Variants in B3GALT1 observed in about 807,000 individuals in gnomAD.
B3GALT1 encodes the protein UDP-Gal:betaGlcNAc beta 1,3-galactosyltransferase, polypeptide 1.
Under a neutral mutation model 23.2 loss-of-function variants are expected in B3GALT1, and 10 were observed. The ratio of observed to expected loss-of-function variants is 0.43; its 90% CI spans 0.27 to 0.73. The LOEUF is 0.73. Among genes scored for constraint, B3GALT1 ranks in the 30% least tolerant of loss-of-function variants. B3GALT1 has a pLI of 0.21. For missense variants in B3GALT1, 299 were observed against 405.4 expected (o/e 0.74, Z 2.25); for synonymous variants, 156 against 141.5 (o/e 1.10, Z -0.73).
At chr2:167,563,858 G>A (rs1210646455) in intron 2 of B3GALT1, among the ~76,000 whole-genome samples, 3 of 145,338 alleles carry the variant, frequency 2.1e-5, no homozygotes, top group Non-Finnish European at 3.1e-5. Context: ...GGGCGGCCGG[G>A]CAGAGGCGCC....
At chr2:167,787,033 G>A (rs988426178) in intron 3 of B3GALT1, among the ~76,000 whole-genome samples, 1 of 152,194 alleles carries the variant, frequency 6.6e-6, no homozygotes, top group African/African-American at 2.4e-5. Context: ...CTAGAAGTAG[G>A]AAATCCCTGG....
At chr2:167,838,266 T>G (rs1689537045) in intron 4 of B3GALT1, among the ~76,000 whole-genome samples, 1 of 152,102 alleles carries the variant, frequency 6.6e-6, no homozygotes, top group African/African-American at 2.4e-5. Flanking sequence ...TCAACAAAAT[T>G]GATAGACCAC....
At chr2:167,662,275 T>G (rs1467713495) in intron 3 of B3GALT1, among the ~76,000 whole-genome samples, 1 of 152,136 alleles carries the variant, frequency 6.6e-6, no homozygotes, top group African/African-American at 2.4e-5. Flanking sequence ...TAGCCTGTTC[T>G]TTAGTAATTC....
chr2:167,641,931 A>G (rs948589685), intron 2 of B3GALT1, among the ~76,000 whole-genome samples: 19 of 152,158 alleles, frequency 1.2e-4, no homozygotes, highest in African/African-American at 4.6e-4. Flanking sequence ...TTCTCAACAT[A>G]TCTATCAGGC....
rs148115419 is a variant in B3GALT1, at chr2:167,629,618, T to C, written c.-409-17291T>C. 1.4e-4 allele frequency among the ~76,000 whole-genome samples: 22 copies of C among 151,874 alleles called. No individual in the cohort carries two copies. The East Asian group carries it at 3.9e-3, about 27-fold the overall frequency. On this transcript the variant is annotated intron_variant, in intron 2 of 4. Transcript: ENST00000392690. ...CCATTGTTTTATTAACATTTTTCTT[T>C]AAATTAACTCACTCCTTTTTTAAAC... is the stretch of plus-strand genomic sequence containing the variant.
At chr2:167,439,970 C>T (rs990475962) in intron 1 of B3GALT1, among the ~76,000 whole-genome samples, 7 of 151,994 alleles carry the variant, frequency 4.6e-5, no homozygotes, top group Admixed American at 1.3e-4. Context: ...TTTTCCTGAA[C>T]TCTTGGTTTG....
At chr2:167,359,420 A>C (rs998665094) in intron 1 of B3GALT1, among the ~76,000 whole-genome samples, 1 of 152,204 alleles carries the variant, frequency 6.6e-6, no homozygotes, top group Admixed American at 6.5e-5. Flanking sequence ...TAATTCTAAA[A>C]TTTTAGGGTG....
At chr2:167,581,414 T>TC (rs1253370689) in intron 2 of B3GALT1, among the ~76,000 whole-genome samples, 1 of 152,244 alleles carries the variant, frequency 6.6e-6, no homozygotes, top group Non-Finnish European at 1.5e-5. Flanking sequence ...CCATTATTAG[T>TC]CAACAACCTA....
intron 2 of B3GALT1, among the ~76,000 whole-genome samples, chr2:167,519,849 A>G (rs1227487996): frequency 6.6e-6 from 1 of 152,110 alleles, no homozygotes; most frequent in Non-Finnish European, 1.5e-5. Context: ...AGGCAGGTAG[A>G]TCACTTAAGG....
chr2:167,661,656 G>A (rs1046853827), intron 3 of B3GALT1, among the ~76,000 whole-genome samples: 1 of 152,002 alleles, frequency 6.6e-6, no homozygotes, highest in East Asian at 1.9e-4. Context: ...GTCCCCTGGG[G>A]CACAAAATTG....
intron 1 of B3GALT1, among the ~76,000 whole-genome samples, chr2:167,423,107 A>G (rs940314): frequency 0.8 from 121,798 of 152,068 alleles, 50,995 homozygotes; most frequent in East Asian, 0.92. Context: ...AGTCATACCC[A>G]TACCAGTCAA....
chr2:167,359,506 A>G (rs549526635), intron 1 of B3GALT1, among the ~76,000 whole-genome samples: 11 of 152,324 alleles, frequency 7.2e-5, no homozygotes, highest in African/African-American at 2.2e-4. Context: ...TTTAATGTAC[A>G]TTCTAGGTGA....
chr2:167,719,648 AG>A (rs1161911291), intron 3 of B3GALT1, among the ~76,000 whole-genome samples: 1 of 152,158 alleles, frequency 6.6e-6, no homozygotes, highest in Non-Finnish European at 1.5e-5. Flanking sequence ...AAGAAAGTGC[AG>A]GGGACTGGGC....
At chr2:167,617,522 G>T (rs1366364680) in intron 2 of B3GALT1, among the ~76,000 whole-genome samples, 1 of 151,996 alleles carries the variant, frequency 6.6e-6, no homozygotes, top group Non-Finnish European at 1.5e-5. Flanking sequence ...AAGTGAAAAG[G>T]GGTGTTAGGC....
chr2:167,301,956 G>T (rs529095282), intron 1 of B3GALT1, among the ~76,000 whole-genome samples: 1 of 152,160 alleles, frequency 6.6e-6, no homozygotes, highest in African/African-American at 2.4e-5. Flanking sequence ...GGTGTATCAA[G>T]ATACTTAAAA....
In B3GALT1 at chr2:167,743,565, T is replaced by C. The variant is rs1444117483; in HGVS notation, c.-351-75107T>C. 2.0e-5 allele frequency among the ~76,000 whole-genome samples: 3 copies of C among 152,148 alleles called. No homozygotes were observed. In the East Asian group the frequency reaches 5.8e-4, roughly 29 times the overall value. On this transcript the variant is annotated intron_variant, in intron 3 of 4. Coordinates refer to ENST00000392690, the MANE Select transcript of B3GALT1 (RefSeq NM_020981.4). ...GCCCATTTTTCCATTGAAATGTTTT[T>C]GTAGTTATAGAACTATTTCACTTTT...
At chr2:167,668,138 C>G (rs559926005) in intron 3 of B3GALT1, among the ~76,000 whole-genome samples, 71 of 152,154 alleles carry the variant, frequency 4.7e-4, no homozygotes, top group Non-Finnish European at 9.1e-4. Flanking sequence ...TGTGGATGTC[C>G]TTTCTGTTTG....
intron 3 of B3GALT1, among the ~76,000 whole-genome samples, chr2:167,793,835 T>C (rs59413900): frequency 0.11 from 16,834 of 152,258 alleles, 1,232 homozygotes; most frequent in African/African-American, 0.19. Context: ...TTACAGGCCA[T>C]AGACTGTGTC....
At chr2:167,579,420 G>GTTTTTTTT (rs745735602) in intron 2 of B3GALT1, among the ~76,000 whole-genome samples, 1 of 93,064 alleles carries the variant, frequency 1.1e-5, no homozygotes, top group African/African-American at 4.7e-5. Flanking sequence ...TTTTGGTTTT[G>GTTTTTTTT]TTTTTTTTTG....
Sources: allele counts gnomAD v4.1 joint callset (sites outside exome capture counted in the v4.1 genomes callset), GRCh38; gene constraint gnomAD v4.1.1; transcripts MANE v1.5; gene names NCBI Gene and HGNC (gene_info 2026-07-23, HGNC 2026-07-21).